TAPBPL: variants seen among roughly 807,000 people sequenced by gnomAD.
TAPBPL encodes TAP binding protein like.
Under a neutral mutation model 44.8 loss-of-function variants are expected in TAPBPL, and 32 were observed. The ratio of observed to expected loss-of-function variants is 0.71; its 90% CI spans 0.54 to 0.96. The LOEUF (loss-of-function observed/expected upper bound fraction) is 0.96. Ranked by LOEUF, TAPBPL falls within the 40% of genes least tolerant of loss-of-function variation. The probability of loss-of-function intolerance (pLI) is 0.00; values close to 1 mark genes in which losing one functional copy is unlikely to be tolerated. For missense variants in TAPBPL, 520 were observed against 586.6 expected, an observed-to-expected ratio of 0.89 and a Z score of 1.17; for synonymous variants, 230 against 240.7, an observed-to-expected ratio of 0.96 and a Z score of 0.41.
intron 4 of TAPBPL, 56 bp downstream of exon 4, chr12:6,457,800 C>T (rs1010154404): frequency 5.5e-6 from 8 of 1,461,498 alleles, no homozygotes; most frequent in South Asian, 2.9e-5. Context: ...CTACTGGGAG[C>T]GTTTCCAGAT....
At chr12:6,467,871 G>A (rs1157101982), downstream of TAPBPL, among the ~76,000 whole-genome samples, 1 of 152,252 alleles carries the variant, frequency 6.6e-6, no homozygotes, top group Admixed American at 6.5e-5. Flanking sequence ...GAGGGTGGAA[G>A]CCCCAAGCCT....
intron 3 of TAPBPL, among the ~76,000 whole-genome samples, chr12:6,454,302 C>G (rs1949647590): frequency 6.6e-6 from 1 of 152,044 alleles, no homozygotes; most frequent in African/African-American, 2.4e-5. Flanking sequence ...AACCCCCTCT[C>G]TACTAAAATA....
Position 6,453,672 on chromosome 12 carries a change from C to T in TAPBPL, c.521C>T (p.Thr174Met), listed in dbSNP as rs764828439. 10 of 1,612,924 alleles carry T rather than the reference C, an allele frequency of 6.2e-6. No homozygotes were observed. The highest frequency in any genetic ancestry group is 4.4e-5 in the South Asian group (4 of 91,022). The change falls in exon 3 of 7, where the codon ACG (threonine) becomes ATG (methionine). Residue 174 changes from threonine (T) to methionine (M), a missense_variant. Transcript: ENST00000266556. This position sits in a 1 kb window ranked among gnomAD's most constrained non-coding sequence, Gnocchi z 4.8. Reference protein sequence around the residue: ...VTKNEALWHPTLNLPLSPQGT... With the variant: ...VTKNEALWHPMLNLPLSPQGT... ...AAGAATGAGGCGCTCTGGCACCCGACGCTGAACTTGCCACTGAGCCCCCAG... is the reference window on the plus strand; with the variant it reads ...AAGAATGAGGCGCTCTGGCACCCGATGCTGAACTTGCCACTGAGCCCCCAG...
At chr12:6,470,409 G>T, downstream of TAPBPL, 1 of 1,474,064 alleles carries the variant, frequency 6.8e-7, no homozygotes, top group Non-Finnish European at 9.3e-7. Flanking sequence ...AGCGGCGCGC[G>T]GTGGTAGTTC....
chr12:6,462,723 GTTC>G (rs1949909847), downstream of TAPBPL: 20 of 1,188,748 alleles, frequency 1.7e-5, no homozygotes, highest in Admixed American at 5.1e-5. Flanking sequence ...GACAGTGGTG[GTTC>G]TTCTCCAGCG....
rs1319506924 is a variant in TAPBPL at position 6,458,904 on chromosome 12, T to G, written c.1164T>G (p.Ser388=). Residue 388 remains serine, a synonymous_variant, in exon 5 of 7, where the codon TCT becomes TCG. Transcript: ENST00000266556. ...ATYTCQVTHI[S]LEEPLGASTQ... is the part of the protein sequence containing the mutation. ...ACACCTGCCAGGTCACACACATCTC[T>G]CTGGAGGAGCCCCTTGGGGCCAGCA... The G allele has an allele frequency of 6.2e-7, 1 of 1,614,162 alleles. No individual in the cohort carries two copies. The highest frequency in any genetic ancestry group is 1.7e-5 in the Admixed American group (1 of 60,028).
the TAPBPL span, among the ~76,000 whole-genome samples, chr12:6,471,909 A>G: frequency 6.6e-6 from 1 of 152,214 alleles, no homozygotes; most frequent in Non-Finnish European, 1.5e-5. The surrounding 1 kb of genome is among the most constrained non-coding windows in gnomAD (Gnocchi z 4.0). Context: ...ACATGTATTG[A>G]AAATATGGGT....
Position 6,458,876 on chromosome 12 carries a change from C to G in TAPBPL, c.1136C>G (p.Thr379Ser). 1 of 1,614,198 alleles carries G rather than the reference C, an allele frequency of 6.2e-7. No homozygotes were observed. The highest frequency in any genetic ancestry group is 1.6e-4 in the Middle Eastern group (1 of 6,062). The change falls in exon 5 of 7, where the codon ACT becomes AGT. Residue 379 changes from threonine (T) to serine (S), a missense_variant. Coordinates refer to ENST00000266556, the MANE Select transcript of TAPBPL (RefSeq NM_018009.5). Reference sequence around the variant, plus strand: ...GCAGAACCTGGCTCTGCAGGTGCCACTTACACCTGCCAGGTCACACACATC... The same window carrying G: ...GCAGAACCTGGCTCTGCAGGTGCCAGTTACACCTGCCAGGTCACACACATC... ...LTAEPGSAGA[T>S]YTCQVTHISL...
intron 1 of TAPBPL, chr12:6,452,665 A>C: frequency 8.2e-7 from 1 of 1,219,202 alleles, no homozygotes; most frequent in Non-Finnish European, 1.0e-6. Flanking sequence ...GGGGAGGGGA[A>C]GGCTACCCGA....
downstream of TAPBPL, chr12:6,470,942 C>T (rs948627932): frequency 9.0e-6 from 2 of 222,166 alleles, no homozygotes; most frequent in Admixed American, 5.5e-5. Context: ...GAGATGAGGT[C>T]TGTCCCTTCG....
rs200384694 is a variant in TAPBPL at position 6,458,726 on chromosome 12, T to C, written c.986T>C (p.Leu329Pro). The C allele has an allele frequency of 5.6e-6, 9 of 1,614,194 alleles. No homozygotes were observed. Among genetic ancestry groups the C allele is most frequent in the Non-Finnish European group, 5.1e-6 (6 of 1,180,044 alleles). Residue 329 changes from leucine to proline, a missense_variant, in exon 5 of 7, where the codon CTG becomes CCG. Coordinates refer to ENST00000266556, the MANE Select transcript of TAPBPL (RefSeq NM_018009.5). ...LICDIAGYYP[L>P]DVVVTWTREE... ...TGCGACATTGCTGGCTATTACCCTC[T>C]GGATGTGGTGGTGACGTGGACCCGA...
chr12:6,457,439 T>TA lies in TAPBPL; in HGVS notation c.599_600insA (p.Ser201GlufsTer105), dbSNP rs774954384. ...CAGGTGATGACACAGACCCAATCCC[T>TA]GAGCTTCCTGCTGGGGTCCTCAGCC... On this transcript the variant is annotated frameshift_variant, in exon 4 of 7. Transcript: ENST00000266556. LOFTEE classifies it high-confidence loss of function. 1.2e-6 allele frequency: 2 copies of TA among 1,613,882 alleles called. No homozygotes were observed. The highest frequency in any genetic ancestry group is 1.7e-6 in the Non-Finnish European group (2 of 1,179,754).
downstream of TAPBPL, chr12:6,465,922 C>A (rs754803128): frequency 7.4e-6 from 12 of 1,614,258 alleles, no homozygotes; most frequent in Non-Finnish European, 9.3e-6. Flanking sequence ...TGCAAGGCAT[C>A]AGCTCGGTCA....
In TAPBPL at chr12:6,458,854, G is replaced by C; in HGVS notation, c.1114G>C (p.Glu372Gln). 6.2e-7 allele frequency: 1 copy of C among 1,614,156 alleles called. No individual in the cohort carries two copies. Among genetic ancestry groups the C allele is most frequent in the Non-Finnish European group, 8.5e-7 (1 of 1,180,040 alleles). ...TYSISSSLTA[E>Q]PGSAGATYTC... Reference sequence around the variant, plus strand: ...CAGCATCTCCTCCTCTCTCACCGCAGAACCTGGCTCTGCAGGTGCCACTTA... The same window carrying C: ...CAGCATCTCCTCCTCTCTCACCGCACAACCTGGCTCTGCAGGTGCCACTTA... Residue 372 changes from glutamate (E) to glutamine (Q), a missense_variant, in exon 5 of 7, where the codon GAA (glutamate) becomes CAA (glutamine). Coordinates refer to ENST00000266556, the MANE Select transcript of TAPBPL (RefSeq NM_018009.5).
At chr12:6,460,994 A>AC (rs1949843728) in intron 6 of TAPBPL, 56 bp downstream of exon 6, 14 of 1,607,190 alleles carry the variant, frequency 8.7e-6, no homozygotes, top group African/African-American at 1.3e-5. Context: ...CACTCTAACC[A>AC]CCCCCCCGCC....
At chr12:6,457,360 C>T in intron 3 of TAPBPL, 46 bp from the exon 4 acceptor site, 2 of 1,567,170 alleles carry the variant, frequency 1.3e-6, no homozygotes, top group Non-Finnish European at 1.7e-6. Context: ...CAGGTGACCT[C>T]AAGGAGGAAG....
chr12:6,469,243 C>G (rs1945708116), downstream of TAPBPL, among the ~76,000 whole-genome samples: 3 of 152,184 alleles, frequency 2.0e-5, no homozygotes, highest in South Asian at 6.2e-4. Flanking sequence ...TAGCTCTCGA[C>G]TTAAGGCAGA....
intron 3 of TAPBPL, among the ~76,000 whole-genome samples, chr12:6,456,455 C>T (rs1406403435): frequency 2.6e-5 from 4 of 151,468 alleles, no homozygotes; most frequent in Non-Finnish European, 5.9e-5. Context: ...ACCTCCGCCT[C>T]CTGGGTTCAA....
chr12:6,452,961 G>T, intron 1 of TAPBPL, 106 bp from the exon 2 acceptor site: 2 of 1,195,474 alleles, frequency 1.7e-6, no homozygotes, highest in Non-Finnish European at 2.3e-6. Context: ...ATCTTGGATG[G>T]CAACTTTTAC....
Sources: allele counts gnomAD v4.1 joint callset (sites outside exome capture counted in the v4.1 genomes callset), GRCh38; gene constraint gnomAD v4.1.1; non-coding constraint Gnocchi (gnomAD v3.1); transcripts MANE v1.5; gene names NCBI Gene and HGNC (gene_info 2026-07-23, HGNC 2026-07-21).